The following NHEJ1 variants were observed in gnomAD, a reference collection of about 807,000 sequenced individuals.
The protein encoded by NHEJ1 is non-homologous end joining factor 1, also known as non-homologous end-joining factor 1.
In NHEJ1, 22 loss-of-function variants were observed where a neutral mutation model predicts 39.4. The ratio of observed to expected loss-of-function variants is 0.56; its 90% confidence interval spans 0.40 to 0.80. The LOEUF (loss-of-function observed/expected upper bound fraction) is 0.80. Ranked by LOEUF, NHEJ1 falls within the 30% of genes least tolerant of loss-of-function variation. The probability of loss-of-function intolerance (pLI) is 0.00; values close to 1 mark genes in which losing one functional copy is unlikely to be tolerated. For missense variants in NHEJ1, 329 were observed against 357.1 expected (o/e 0.92, Z 0.63); for synonymous variants, 154 against 135.6 (o/e 1.14, Z -0.94).
chr2:219,159,182 T>G (rs1949886123), intron 1 of NHEJ1: 1 of 152,168 alleles, frequency 6.6e-6, no homozygotes, highest in Admixed American at 6.6e-5. Flanking sequence ...ATCCTCCACA[T>G]TCCCACTCCA....
chr2:219,122,832 C>A, intron 5 of NHEJ1, among the ~76,000 whole-genome samples: 1 of 152,160 alleles, frequency 6.6e-6, no homozygotes, highest in East Asian at 1.9e-4. Context: ...GGAACAGCAG[C>A]CCAGCTAGAA....
chr2:219,132,749 A>G (rs925589220), intron 5 of NHEJ1, among the ~76,000 whole-genome samples: 1 of 152,110 alleles, frequency 6.6e-6, no homozygotes, highest in Admixed American at 6.6e-5. Context: ...TCTTCCAAAA[A>G]TACTTTTCCC....
chr2:219,076,963 G>A (rs546538731), intron 7 of NHEJ1, among the ~76,000 whole-genome samples: 24 of 152,274 alleles, frequency 1.6e-4, no homozygotes, highest in African/African-American at 4.8e-4. Flanking sequence ...GAATAGCCTC[G>A]CTGACTATCA....
At position 219,076,099 on chromosome 2, in the gene NHEJ1, T is replaced by C; in HGVS notation, c.*282A>G. The C allele has an allele frequency of 1.7e-6, 1 of 582,196 alleles. No individual in the cohort carries two copies. Among genetic ancestry groups the C allele is most frequent in the East Asian group, 2.8e-5 (1 of 35,292 alleles). 36.1% of individuals were successfully genotyped at this position (582,196 alleles called of 1,614,324 possible). ...TCCTGAGTGTGTGGTGCTTTCTTGC[T>C]GACTTGCCCTATATACCTAAAGTCC... On this transcript the variant is annotated 3_prime_UTR_variant, in exon 8 of 8. Transcript: ENST00000356853.
intron 5 of NHEJ1, among the ~76,000 whole-genome samples, chr2:219,085,689 G>A (rs1949105303): frequency 6.6e-6 from 1 of 152,154 alleles, no homozygotes; most frequent in African/African-American, 2.4e-5. Flanking sequence ...TAGGGACCTT[G>A]CAAATTAATT....
intron 5 of NHEJ1, among the ~76,000 whole-genome samples, chr2:219,093,564 C>A (rs1009603890): frequency 6.6e-6 from 1 of 151,796 alleles, no homozygotes; most frequent in South Asian, 2.1e-4. Flanking sequence ...AGATCTGGGG[C>A]CACTTCTGTG....
At chr2:219,127,142 A>G (rs180756190) in intron 5 of NHEJ1, among the ~76,000 whole-genome samples, 99 of 152,316 alleles carry the variant, frequency 6.5e-4, no homozygotes, top group Admixed American at 2.5e-3. Context: ...GGGACACATG[A>G]CCAGATTTAC....
chr2:219,118,090 A>AG (rs1255942450), intron 5 of NHEJ1, among the ~76,000 whole-genome samples: 3 of 151,696 alleles, frequency 2.0e-5, no homozygotes, highest in Admixed American at 6.6e-5. Flanking sequence ...ATAATTTCCT[A>AG]GGGGAGTATT....
chr2:219,142,122 T>A (rs527424501), intron 5 of NHEJ1, among the ~76,000 whole-genome samples: 1 of 152,316 alleles, frequency 6.6e-6, no homozygotes, highest in South Asian at 2.1e-4. Flanking sequence ...ATGTTAACTA[T>A]AGCCCCCTAA....
chr2:219,078,023 T>C (rs1221536490), intron 6 of NHEJ1, 66 bp downstream of exon 6: 11 of 1,057,440 alleles, frequency 1.0e-5, no homozygotes, highest in African/African-American at 1.6e-5. Flanking sequence ...AACTATCATA[T>C]TGGACAGCAT....
At chr2:219,094,417 G>A (rs958258019) in intron 5 of NHEJ1, among the ~76,000 whole-genome samples, 7 of 152,156 alleles carry the variant, frequency 4.6e-5, no homozygotes, top group Non-Finnish European at 5.9e-5. Context: ...AGAGAAGTAC[G>A]AATCTGCAGA....
At chr2:219,078,490 G>A (rs937352523) in intron 5 of NHEJ1, among the ~76,000 whole-genome samples, 1 of 152,076 alleles carries the variant, frequency 6.6e-6, no homozygotes, top group Non-Finnish European at 1.5e-5. Context: ...TTTTCCAAAG[G>A]GATGATTTCT....
intron 3 of NHEJ1, among the ~76,000 whole-genome samples, chr2:219,149,936 C>T (rs569401153): frequency 6.6e-6 from 1 of 152,328 alleles, no homozygotes; most frequent in Middle Eastern, 3.4e-3. Flanking sequence ...CCAGAATTGG[C>T]CCATGGCCAT....
chr2:219,103,004 CAA>C (rs34361973), intron 5 of NHEJ1, among the ~76,000 whole-genome samples: 175 of 31,550 alleles, frequency 5.5e-3, no homozygotes, highest in African/African-American at 0.032. Flanking sequence ...GACTCCGTCT[CAA>C]AAAAAAAAAA....
chr2:219,076,577 T>TTTTTG, intron 7 of NHEJ1, 122 bp from the exon 8 acceptor site: 2 of 895,316 alleles, frequency 2.2e-6, no homozygotes. Flanking sequence ...TTTTTTTTTT[T>TTTTTG]TTTCCACCCA....
At chr2:219,145,101 G>C (rs1282436789) in intron 5 of NHEJ1, among the ~76,000 whole-genome samples, 1 of 152,100 alleles carries the variant, frequency 6.6e-6, no homozygotes, top group Non-Finnish European at 1.5e-5. Context: ...TGTAATCCCA[G>C]CTACTTGGAA....
rs76654830 is a variant in NHEJ1 at position 219,114,041 on chromosome 2, C to T, written c.588+32639G>A. 8.0e-3 allele frequency among the ~76,000 whole-genome samples: 1,220 copies of T among 152,260 alleles called. 20 individuals carry two copies. Among genetic ancestry groups the T allele is most frequent in the African/African-American group, 0.028 (1,171 of 41,550 alleles). ...AAGTGGGGCAGGGGCTGAAAACAAG[C>T]ATCTTCCAAAGCAAAATATTCTTAG... On this transcript the variant is annotated intron_variant, in intron 5 of 7. Coordinates refer to ENST00000356853, the MANE Select transcript of NHEJ1 (RefSeq NM_024782.3).
rs1407858891 is a variant in NHEJ1 at position 219,159,585 on chromosome 2, ATG to A, written c.-1+1133_-1+1134del. Among the ~76,000 whole-genome samples the A allele has an allele frequency of 8.6e-5, 9 of 104,486 alleles. 1 individual carries two copies. Among genetic ancestry groups the A allele is most frequent in the Admixed American group, 1.8e-4 (2 of 10,820 alleles). The allele number at this position is 104,486 out of a possible 152,430, so 68.5% of individuals were successfully genotyped here. A position where few individuals can be genotyped will look rare whatever the true frequency, so the allele number is the denominator to read the frequency against. On this transcript the variant is annotated intron_variant, in intron 1 of 7. Coordinates refer to ENST00000356853, the MANE Select transcript of NHEJ1 (RefSeq NM_024782.3). ...TATGCATATATATATGCATATATATATGCATATATATATATGCATATATATAC... is the reference window on the plus strand; with the variant it reads ...TATGCATATATATATGCATATATATACATATATATATATGCATATATATAC...
intron 5 of NHEJ1, among the ~76,000 whole-genome samples, chr2:219,113,485 G>T (rs1473196150): frequency 6.6e-6 from 1 of 152,078 alleles, no homozygotes; most frequent in Non-Finnish European, 1.5e-5. Context: ...TTACCATCAA[G>T]AACTTATCTT....
Sources: allele counts gnomAD v4.1 joint callset (sites outside exome capture counted in the v4.1 genomes callset), GRCh38; gene constraint gnomAD v4.1.1; transcripts MANE v1.5; gene names NCBI Gene and HGNC (gene_info 2026-07-23, HGNC 2026-07-21).